ZSCAN5A: variants seen among roughly 807,000 people sequenced by gnomAD.
The protein encoded by ZSCAN5A is zinc finger and SCAN domain-containing protein 5A.
A neutral mutation model predicts 23.7 loss-of-function variants in ZSCAN5A; 12 were observed. The observed-to-expected ratio is 0.51, with a 90% CI of 0.32 to 0.82. ZSCAN5A has a LOEUF of 0.82. ZSCAN5A is among the 40% of genes least tolerant of loss of function. ZSCAN5A has a pLI of 0.03. For synonymous variants in ZSCAN5A, 257 were observed against 239.9 expected (o/e 1.07, Z -0.66); for missense variants, 597 against 617.9 (o/e 0.97, Z 0.36).
At chr19:56,234,850 CA>C (rs1244356822) in intron 2 of ZSCAN5A, among the ~76,000 whole-genome samples, 1 of 152,214 alleles carries the variant, frequency 6.6e-6, no homozygotes, top group African/African-American at 2.4e-5. Flanking sequence ...CCAATGCTCC[CA>C]GCTGAATAAA....
At chr19:56,226,635 G>A (rs1035989110) in intron 2 of ZSCAN5A, among the ~76,000 whole-genome samples, 2 of 152,158 alleles carry the variant, frequency 1.3e-5, no homozygotes, top group South Asian at 2.1e-4. Flanking sequence ...TAGAGCAGCC[G>A]ATATGGGAGA....
intron 2 of ZSCAN5A, among the ~76,000 whole-genome samples, chr19:56,225,782 T>C (rs2033866646): frequency 6.6e-6 from 1 of 152,154 alleles, no homozygotes; most frequent in African/African-American, 2.4e-5. Flanking sequence ...TGTACAACCA[T>C]TACCACTGTT....
Position 56,331,861 on chromosome 19 carries a change from C to T in ZSCAN5A, c.-357-15593G>A, listed in dbSNP as rs148912339. 2.1e-3 allele frequency among the ~76,000 whole-genome samples: 318 copies of T among 152,150 alleles called. 1 individual carries two copies. The highest frequency in any genetic ancestry group is 7.1e-3 in the African/African-American group (295 of 41,520). On this transcript the variant is annotated intron_variant, in intron 2 of 6. Transcript: ENST00000587340. The stretch of plus-strand genomic sequence containing the variant: ...TCGGCCTCCCAAAGTGCTGGGATTA[C>T]AGGTGTGAGCCACTGCGCCCAGCCT...
intron 2 of ZSCAN5A, among the ~76,000 whole-genome samples, chr19:56,304,174 G>T (rs2040529175): frequency 6.6e-6 from 1 of 152,190 alleles, no homozygotes. Context: ...CTGAGAGGAG[G>T]CCCGACCAGC....
intron 2 of ZSCAN5A, among the ~76,000 whole-genome samples, chr19:56,238,795 T>TA (rs5828676): frequency 0.092 from 12,433 of 134,442 alleles, 823 homozygotes; most frequent in Middle Eastern, 0.18. Flanking sequence ...ACCACACTAT[T>TA]AATAGAGATC....
intron 2 of ZSCAN5A, among the ~76,000 whole-genome samples, chr19:56,311,528 C>T (rs1383881983): frequency 6.6e-6 from 1 of 152,182 alleles, no homozygotes; most frequent in Admixed American, 6.5e-5. Context: ...TAGCCAGGGG[C>T]ATTCAGTGAG....
intron 2 of ZSCAN5A, among the ~76,000 whole-genome samples, chr19:56,358,774 T>C (rs1406333988): frequency 6.6e-6 from 1 of 152,142 alleles, no homozygotes; most frequent in African/African-American, 2.4e-5. Context: ...AGAAATTCAC[T>C]CAAAAACACG....
At chr19:56,304,052 G>A (rs1298682996) in intron 2 of ZSCAN5A, among the ~76,000 whole-genome samples, 1 of 152,148 alleles carries the variant, frequency 6.6e-6, no homozygotes, top group African/African-American at 2.4e-5. Context: ...GTGGACAGCC[G>A]CCAGCAAGAT....
At chr19:56,273,470 T>TGACAGACAGAAAC (rs11276314) in intron 2 of ZSCAN5A, among the ~76,000 whole-genome samples, 1 of 151,668 alleles carries the variant, frequency 6.6e-6, no homozygotes, top group Non-Finnish European at 1.5e-5. Flanking sequence ...GTGATGAAAA[T>TGACAGACAGAAAC]AGTTCTGTCT....
rs2041187617 is a variant in ZSCAN5A, at chr19:56,313,689, G to C, written c.-229-305C>G. 3.3e-5 allele frequency among the ~76,000 whole-genome samples: 5 copies of C among 152,210 alleles called. No homozygotes were observed. The South Asian group carries it at 1.0e-3, about 32-fold the overall frequency. On this transcript the variant is annotated intron_variant, in intron 1 of 5. Coordinates refer to ENST00000683990, the MANE Select transcript of ZSCAN5A (RefSeq NM_001322064.3). ...TCATACGCTAACCAGATGATTATAT[G>C]TCCAGGTGCTTGATGTTAGTTTTTT...
intron 2 of ZSCAN5A, among the ~76,000 whole-genome samples, chr19:56,254,979 T>A (rs2036597696): frequency 6.6e-6 from 1 of 152,044 alleles, no homozygotes; most frequent in South Asian, 2.1e-4. Context: ...ATCCCCCTAT[T>A]CCATTGGTTG....
intron 2 of ZSCAN5A, among the ~76,000 whole-genome samples, chr19:56,293,648 T>G (rs1200196930): frequency 6.6e-6 from 1 of 152,132 alleles, no homozygotes; most frequent in East Asian, 1.9e-4. Flanking sequence ...CTCATATGGT[T>G]GTGAGGAGTA....
intron 2 of ZSCAN5A, chr19:56,244,013 A>T (rs1600072799): frequency 7.8e-6 from 6 of 773,054 alleles, no homozygotes; most frequent in Non-Finnish European, 1.3e-5. Context: ...GAACTTTCTC[A>T]GAGACTGACT....
intron 2 of ZSCAN5A, among the ~76,000 whole-genome samples, chr19:56,325,598 T>A (rs1156293261): frequency 6.6e-6 from 1 of 152,090 alleles, no homozygotes; most frequent in Non-Finnish European, 1.5e-5. Context: ...TGTTGTTTTC[T>A]GTATCAGGAA....
At chr19:56,322,383 A>T (rs1426939240) in intron 2 of ZSCAN5A, 1 of 702,232 alleles carries the variant, frequency 1.4e-6, no homozygotes. Context: ...CTCAGCCGGC[A>T]GGCTTCCCTA....
upstream of ZSCAN5A, chr19:56,315,878 T>G (rs1428567689): frequency 6.6e-6 from 1 of 152,322 alleles, no homozygotes; most frequent in East Asian, 1.9e-4. Flanking sequence ...CAATGACCCT[T>G]CAAATGTCAG....
intron 2 of ZSCAN5A, among the ~76,000 whole-genome samples, chr19:56,289,558 T>C (rs1228187358): frequency 6.6e-6 from 1 of 152,184 alleles, no homozygotes; most frequent in East Asian, 1.9e-4. Flanking sequence ...TAGAAAACTG[T>C]ATGGCACATA....
intron 2 of ZSCAN5A, among the ~76,000 whole-genome samples, chr19:56,309,542 G>A (rs1367683560): frequency 6.6e-6 from 1 of 152,230 alleles, no homozygotes; most frequent in Non-Finnish European, 1.5e-5. Flanking sequence ...GCGGAACACA[G>A]TTTGAGGGCC....
intron 2 of ZSCAN5A, among the ~76,000 whole-genome samples, chr19:56,260,048 CA>C (rs1443571161): frequency 6.6e-6 from 1 of 152,066 alleles, no homozygotes; most frequent in Non-Finnish European, 1.5e-5. Flanking sequence ...ATAAAAATAA[CA>C]ATGAAACAAT....
Sources: gnomAD v4.1 joint callset for allele counts (sites outside exome capture counted in the v4.1 genomes callset) on GRCh38, gnomAD v4.1.1 for gene constraint, MANE v1.5 for transcripts, NCBI Gene and HGNC (gene_info 2026-07-23, HGNC 2026-07-21) for gene names.